The following NRDE2 variants were observed in gnomAD, a reference collection of about 807,000 sequenced individuals.
The protein encoded by NRDE2 is NRDE-2, necessary for RNA interference, domain containing.
A neutral mutation model predicts 124.2 loss-of-function variants in NRDE2; 76 were observed. The observed-to-expected ratio is 0.61, with a 90% CI of 0.51 to 0.74. The LOEUF (loss-of-function observed/expected upper bound fraction) is 0.74. Among genes scored for constraint, NRDE2 ranks in the 30% least tolerant of loss-of-function variants. NRDE2 has a pLI of 0.00. For missense variants in NRDE2, 1,314 were observed against 1,417.3 expected, an observed-to-expected ratio of 0.93 and a Z score of 1.17; for synonymous variants, 489 against 528.1, an observed-to-expected ratio of 0.93 and a Z score of 1.01.
chr14:90,298,182 C>T (rs1039533976), intron 8 of NRDE2, 78 bp downstream of exon 8: 2 of 1,444,388 alleles, frequency 1.4e-6, no homozygotes, highest in Non-Finnish European at 9.6e-7. Flanking sequence ...ATAGCTTAAG[C>T]AGATAAATAA....
rs187401609 is a variant in NRDE2, at chr14:90,304,389, T to A, written c.558-7A>T. The A allele has an allele frequency of 1.9e-4, 293 of 1,573,368 alleles. No individual in the cohort carries two copies. Among genetic ancestry groups the A allele is most frequent in the Non-Finnish European group, 2.3e-4 (264 of 1,163,650 alleles). On this transcript the variant is annotated splice_polypyrimidine_tract_variant and splice_region_variant and intron_variant, in intron 4 of 13. Coordinates refer to ENST00000354366, the MANE Select transcript of NRDE2 (RefSeq NM_017970.4). ...GTCTCCTTTCCTCTTGTATCTGATA[T>A]TAGAAAAAGAAAAAAAGTTACTGAG...
At chr14:90,305,383 A>G (rs900494000) in intron 4 of NRDE2, among the ~76,000 whole-genome samples, 1 of 152,236 alleles carries the variant, frequency 6.6e-6, no homozygotes, top group South Asian at 2.1e-4. Flanking sequence ...AAAAAATTCA[A>G]CACAGACCTA....
chr14:90,287,691 GA>G (rs1388798679), intron 11 of NRDE2, among the ~76,000 whole-genome samples: 4 of 152,080 alleles, frequency 2.6e-5, no homozygotes, highest in Non-Finnish European at 4.4e-5. Flanking sequence ...CTGTCACTAG[GA>G]ATGCTGACAG....
rs1770525102 is a variant in NRDE2, at chr14:90,273,766, C to T, written c.*4570G>A. ...TGTGGGCCAGCTGAGGTCAGCATTT[C>T]CTTGCTGGCTGCCAGCTGAGGCCTT... On this transcript the variant is annotated 3_prime_UTR_variant, in exon 14 of 14. Transcript: ENST00000354366. 4 of 154,746 alleles carry T rather than the reference C, an allele frequency of 2.6e-5. No individual in the cohort carries two copies. The Admixed American group carries it at 2.6e-4, about 10-fold the overall frequency. 9.6% of individuals were successfully genotyped at this position (154,746 alleles called of 1,614,324 possible). A position where few individuals can be genotyped will look rare whatever the true frequency, so the allele number is the denominator to read the frequency against.
chr14:90,306,292 C>T (rs1884599440), intron 4 of NRDE2, among the ~76,000 whole-genome samples: 1 of 152,240 alleles, frequency 6.6e-6, no homozygotes, highest in South Asian at 2.1e-4. Context: ...TCTGTGGCTT[C>T]TCTGCGGTCA....
Position 90,276,376 on chromosome 14 carries a change from G to A in NRDE2, c.*1960C>T, listed in dbSNP as rs9944123. 0.95 allele frequency: 144,169 copies of A among 151,760 alleles called. 68,856 individuals are homozygous for A. The highest frequency in any genetic ancestry group is 1 in the East Asian group (5,113 of 5,116). The allele number at this position is 151,760 out of a possible 1,614,324, so 9.4% of individuals were successfully genotyped here. On this transcript the variant is annotated 3_prime_UTR_variant, in exon 14 of 14. Transcript: ENST00000354366. ...TGGGACTACAGGCGCCAGCCACCAC[G>A]CCCGGCTAATTTTTTGTATTTTTAG...
Position 90,316,605 on chromosome 14 carries a change from C to A in NRDE2, c.380G>T (p.Gly127Val), listed in dbSNP as rs776341046. 4 of 1,612,848 alleles carry A rather than the reference C, an allele frequency of 2.5e-6. No homozygotes were observed. In the Admixed American group the frequency reaches 5.0e-5, roughly 20 times the overall value. Residue 127 changes from glycine to valine, a missense_variant, in exon 3 of 14, where the codon GGC becomes GTC. Coordinates refer to ENST00000354366, the MANE Select transcript of NRDE2 (RefSeq NM_017970.4). ...EKDKPSRGVG[G>V]SKKESEEPNQ... ...CGGTTCCTCAGATTCCTTTTTACTG[C>A]CTCCAACGCCTCTGGAAGGTTTGTC...
intron 1 of NRDE2, among the ~76,000 whole-genome samples, chr14:90,328,831 T>C (rs537182174): frequency 1.6e-4 from 24 of 152,274 alleles, no homozygotes; most frequent in Admixed American, 5.2e-4. Context: ...ATCGATCACA[T>C]GGAATGAAGG....
At chr14:90,311,797 CATA>C (rs1179401545) in intron 4 of NRDE2, among the ~76,000 whole-genome samples, 1 of 151,832 alleles carries the variant, frequency 6.6e-6, no homozygotes, top group Non-Finnish European at 1.5e-5. Flanking sequence ...CAAAAAAAGT[CATA>C]ATGTTTTAAG....
chr14:90,297,138 CAA>C (rs1005635833), intron 8 of NRDE2, among the ~76,000 whole-genome samples: 20 of 82,696 alleles, frequency 2.4e-4, no homozygotes, highest in Admixed American at 5.7e-4. Flanking sequence ...GACTCTGTCT[CAA>C]AAAAAAAAAA....
chr14:90,267,960 A>T lies in NRDE2; in HGVS notation c.*10376T>A. On this transcript the variant is annotated 3_prime_UTR_variant, in exon 14 of 14. Coordinates refer to ENST00000354366, the MANE Select transcript of NRDE2 (RefSeq NM_017970.4). ...GGGGAAACTGGGTCAAGGTTGGAAA[A>T]TAACCAAGTAAAAAGTATTTTCTGA... The T allele has an allele frequency of 2.9e-6, 1 of 341,464 alleles. No homozygotes were observed. Among genetic ancestry groups the T allele is most frequent in the East Asian group, 5.0e-5 (1 of 19,830 alleles). The allele number at this position is 341,464 out of a possible 1,614,324, so 21.2% of individuals were successfully genotyped here. A position where few individuals can be genotyped will look rare whatever the true frequency, so the allele number is the denominator to read the frequency against.
At chr14:90,311,704 C>A (rs1442301564) in intron 4 of NRDE2, among the ~76,000 whole-genome samples, 2 of 151,936 alleles carry the variant, frequency 1.3e-5, no homozygotes, top group African/African-American at 4.8e-5. Context: ...TTTCCCTGGG[C>A]CCCACTGGAT....
At chr14:90,315,332 C>A (rs972833790) in intron 3 of NRDE2, among the ~76,000 whole-genome samples, 1 of 151,862 alleles carries the variant, frequency 6.6e-6, no homozygotes, top group African/African-American at 2.4e-5. Context: ...GATCGTACCA[C>A]TGCACTCCAG....
At chr14:90,318,998 T>C (rs891555381) in intron 1 of NRDE2, among the ~76,000 whole-genome samples, 28 of 152,350 alleles carry the variant, frequency 1.8e-4, no homozygotes, top group African/African-American at 6.5e-4. Flanking sequence ...GCTAAAATTA[T>C]ATAAATGTGA....
At position 90,286,489 on chromosome 14, in the gene NRDE2, T is replaced by TAG; in HGVS notation, c.3161_3162insCT (p.Leu1054PhefsTer2). 1 of 1,610,116 alleles carries TAG rather than the reference T, an allele frequency of 6.2e-7. No individual in the cohort carries two copies. Among genetic ancestry groups the TAG allele is most frequent in the Non-Finnish European group, 8.5e-7 (1 of 1,179,008 alleles). ...TTGTGGCGTGGATCTCTCTACCGTC[T>TAG]AACCTGCAAGGCAAAGGCTCACGTG... On this transcript the variant is annotated frameshift_variant, in exon 12 of 14. Coordinates refer to ENST00000354366, the MANE Select transcript of NRDE2 (RefSeq NM_017970.4). LOFTEE classifies it high-confidence loss of function.
At chr14:90,286,927 G>A (rs535112535) in intron 11 of NRDE2, among the ~76,000 whole-genome samples, 2 of 151,210 alleles carry the variant, frequency 1.3e-5, no homozygotes, top group African/African-American at 2.4e-5. Context: ...CCAGCTACTC[G>A]GGAGGCTGAG....
At chr14:90,320,335 G>A (rs532648159) in intron 1 of NRDE2, among the ~76,000 whole-genome samples, 211 of 152,318 alleles carry the variant, frequency 1.4e-3, no homozygotes, top group African/African-American at 5.0e-3. Flanking sequence ...TGGCAACAGA[G>A]GAAAGAGTAA....
chr14:90,310,371 C>T (rs1222969264), intron 4 of NRDE2, among the ~76,000 whole-genome samples: 2 of 152,264 alleles, frequency 1.3e-5, no homozygotes, highest in Non-Finnish European at 2.9e-5. Context: ...AACCTCTCTG[C>T]GATTCCTTTT....
intron 4 of NRDE2, 97 bp from the exon 5 acceptor site, chr14:90,304,479 T>A (rs1884530330): frequency 2.4e-6 from 2 of 826,676 alleles, no homozygotes; most frequent in Non-Finnish European, 3.7e-6. Flanking sequence ...TTATGCAGGT[T>A]CACTGCATAT....
Sources: allele counts gnomAD v4.1 joint callset (sites outside exome capture counted in the v4.1 genomes callset), GRCh38; gene constraint gnomAD v4.1.1; transcripts MANE v1.5; gene names NCBI Gene and HGNC (gene_info 2026-07-23, HGNC 2026-07-21).